Variants in AKR1B1 observed in about 807,000 individuals in gnomAD.
The protein encoded by AKR1B1 is aldo-keto reductase family 1 member B1.
In AKR1B1, 22 loss-of-function variants were observed where a neutral mutation model predicts 40.4. The ratio of observed to expected loss-of-function variants is 0.54; its 90% confidence interval spans 0.39 to 0.78. The LOEUF (loss-of-function observed/expected upper bound fraction) is 0.78. Among genes scored for constraint, AKR1B1 ranks in the 30% least tolerant of loss-of-function variants. The probability of loss-of-function intolerance (pLI) is 0.00; values close to 1 mark genes in which losing one functional copy is unlikely to be tolerated. For synonymous variants in AKR1B1, 157 were observed against 149.9 expected (o/e 1.05, Z -0.35); for missense variants, 357 against 396.7 (o/e 0.90, Z 0.85).
intron 8 of AKR1B1, 77 bp from the exon 9 acceptor site, chr7:134,445,397 T>C: frequency 8.2e-7 from 1 of 1,221,970 alleles, no homozygotes; most frequent in South Asian, 1.3e-5. Context: ...GACCCAGATG[T>C]CTTCCATGGC....
At chr7:134,457,375 T>C (rs866146560) in intron 1 of AKR1B1, among the ~76,000 whole-genome samples, 14 of 152,186 alleles carry the variant, frequency 9.2e-5, no homozygotes, top group African/African-American at 3.4e-4. Context: ...CAAGAAAGCA[T>C]CCTTCTGCAT....
At chr7:134,451,921 G>A in intron 1 of AKR1B1, 168 bp from the exon 2 acceptor site, 3 of 728,988 alleles carry the variant, frequency 4.1e-6, no homozygotes, top group Non-Finnish European at 2.4e-6. Context: ...TCAGACGCGG[G>A]GGATGGAAGT....
intron 4 of AKR1B1, chr7:134,449,387 C>T (rs1806212092): frequency 1.2e-5 from 7 of 565,504 alleles, no homozygotes; most frequent in Admixed American, 3.0e-5. Context: ...GAGATCAAGA[C>T]CATCCTGGCT....
In AKR1B1 at chr7:134,459,069, T is replaced by G; in HGVS notation, c.-7A>C. The G allele has an allele frequency of 1.9e-6, 3 of 1,601,256 alleles. No individual in the cohort carries two copies. The highest frequency in any genetic ancestry group is 2.6e-6 in the Non-Finnish European group (3 of 1,174,860). Reference sequence around the variant, plus strand: ...GCAGGAGACGGCTTGCCATGGCTGCTGCGCTCCCCAGACCCCCGCCCAGTA... The same window carrying G: ...GCAGGAGACGGCTTGCCATGGCTGCGGCGCTCCCCAGACCCCCGCCCAGTA... On this transcript the variant is annotated 5_prime_UTR_variant, in exon 1 of 10. Coordinates refer to ENST00000285930, the MANE Select transcript of AKR1B1 (RefSeq NM_001628.4).
intron 7 of AKR1B1, 50 bp from the exon 8 acceptor site, chr7:134,447,431 C>T (rs1322925915): frequency 1.3e-6 from 2 of 1,484,496 alleles, no homozygotes; most frequent in African/African-American, 2.8e-5. Context: ...GGCACTCGCA[C>T]CCATCATCTC....
intron 1 of AKR1B1, among the ~76,000 whole-genome samples, chr7:134,455,055 C>T (rs1345933723): frequency 6.6e-6 from 1 of 152,166 alleles, no homozygotes; most frequent in Non-Finnish European, 1.5e-5. Flanking sequence ...GCCCACAGCG[C>T]CTCAACCCTC....
At chr7:134,445,378 A>G in intron 8 of AKR1B1, 58 bp from the exon 9 acceptor site, 2 of 1,381,600 alleles carry the variant, frequency 1.4e-6, no homozygotes, top group Non-Finnish European at 1.0e-6. Context: ...AAGACAAAAT[A>G]CTGTGCAGGA....
In AKR1B1 at chr7:134,447,171, C is replaced by T; in HGVS notation, c.825+127G>A. Reference sequence around the variant, plus strand: ...AGTCTCAGTCTTGGCTTGCTCGCCACAGCTCCCTGGCCTCAGAAGAGAGGA... The same window carrying T: ...AGTCTCAGTCTTGGCTTGCTCGCCATAGCTCCCTGGCCTCAGAAGAGAGGA... On this transcript the variant is annotated intron_variant, in intron 8 of 9. Transcript: ENST00000285930. The T allele has an allele frequency of 6.6e-6, 6 of 905,660 alleles. No individual in the cohort carries two copies. The South Asian group carries it at 7.1e-5, about 11-fold the overall frequency. 56.1% of individuals were successfully genotyped at this position (905,660 alleles called of 1,614,324 possible).
chr7:134,444,571 A>G (rs4732027), intron 9 of AKR1B1, among the ~76,000 whole-genome samples: 99,166 of 152,216 alleles, frequency 0.65, 33,333 homozygotes, highest in East Asian at 0.92. Context: ...AGAGAAACAG[A>G]GTCTCAGTCT....
rs1181863874 is a variant in AKR1B1 at position 134,448,394 on chromosome 7, T to C, written c.652A>G (p.Arg218Gly). The change falls in exon 6 of 10, where the codon AGG becomes GGG. Residue 218 changes from arginine to glycine, a missense_variant. Arg to Gly is a moderately radical substitution (Grantham distance 125, BLOSUM62 -2). Coordinates refer to ENST00000285930, the MANE Select transcript of AKR1B1 (RefSeq NM_001628.4). ...TAYSPLGSPD[R>G]PWAKPEDPSL... Reference sequence around the variant, plus strand: ...AGCCTGTGGGAAGCTCACCAGGGCCTGTCAGGAGAGCCGAGGGGGCTGTAG... The same window carrying C: ...AGCCTGTGGGAAGCTCACCAGGGCCCGTCAGGAGAGCCGAGGGGGCTGTAG... The C allele has an allele frequency of 3.1e-6, 5 of 1,612,946 alleles. No individual in the cohort carries two copies. The highest frequency in any genetic ancestry group is 2.2e-5 in the South Asian group (2 of 91,048).
At position 134,447,372 on chromosome 7, in the gene AKR1B1, G is replaced by A. The variant is rs752815623; in HGVS notation, c.751C>T (p.Arg251Trp). The change falls in exon 8 of 10, where the codon CGG becomes TGG. Residue 251 changes from arginine (R) to tryptophan (W), a missense_variant. Physicochemically the swap from Arg to Trp is moderately radical, Grantham distance 101. Coordinates refer to ENST00000285930, the MANE Select transcript of AKR1B1 (RefSeq NM_001628.4). ...HNKTTAQVLI[R>W]FPMQRNLVVI... ...ACCAAGTTCCTCTGCATGGGGAACC[G>A]GATCAGGACCTGTGAGCCCAAGGAG... 5.0e-6 allele frequency: 8 copies of A among 1,613,890 alleles called. No homozygotes were observed. Among genetic ancestry groups the A allele is most frequent in the South Asian group, 2.2e-5 (2 of 91,080 alleles).
At chr7:134,454,689 T>G (rs1470804255) in intron 1 of AKR1B1, among the ~76,000 whole-genome samples, 1 of 152,180 alleles carries the variant, frequency 6.6e-6, no homozygotes, top group East Asian at 1.9e-4. Flanking sequence ...CAGGTGTTAC[T>G]ACTGAAATCA....
At chr7:134,448,314 G>T in intron 6 of AKR1B1, 73 bp downstream of exon 6, 1 of 1,353,848 alleles carries the variant, frequency 7.4e-7, no homozygotes, top group Non-Finnish European at 1.1e-6. Context: ...CTTCCTTGAG[G>T]CTGAATTGTT....
chr7:134,456,859 T>C (rs1806486721), intron 1 of AKR1B1, among the ~76,000 whole-genome samples: 1 of 152,242 alleles, frequency 6.6e-6, no homozygotes, highest in African/African-American at 2.4e-5. Flanking sequence ...TGATGTTATC[T>C]TAAACAAATA....
intron 1 of AKR1B1, among the ~76,000 whole-genome samples, chr7:134,455,829 C>T (rs1806453076): frequency 6.6e-6 from 1 of 152,162 alleles, no homozygotes; most frequent in South Asian, 2.1e-4. Context: ...GTGATCCACC[C>T]GCCTTGGCCT....
At chr7:134,443,542 G>A (rs997283461) in intron 9 of AKR1B1, among the ~76,000 whole-genome samples, 2 of 151,992 alleles carry the variant, frequency 1.3e-5, no homozygotes, top group Non-Finnish European at 2.9e-5. Context: ...CCCAATCAAC[G>A]GTCGGCGATT....
chr7:134,447,729 CATGA>C lies in AKR1B1; in HGVS notation c.741+247_741+250del, dbSNP rs1385725228. On this transcript the variant is annotated intron_variant, in intron 7 of 9. Transcript: ENST00000285930. Reference sequence around the variant, plus strand: ...TTACATTTGTACAGATGAGGTTCCACATGAATGAACAAGCGCTGGCCCTCGTGGC... The same window carrying C: ...TTACATTTGTACAGATGAGGTTCCACATGAACAAGCGCTGGCCCTCGTGGC... 1.3e-5 allele frequency: 8 copies of C among 622,140 alleles called. 1 individual carries two copies. Among genetic ancestry groups the C allele is most frequent in the African/African-American group, 9.2e-5 (5 of 54,518 alleles). The allele number at this position is 622,140 out of a possible 1,614,324, so 38.5% of individuals were successfully genotyped here. A position where few individuals can be genotyped will look rare whatever the true frequency, so the allele number is the denominator to read the frequency against.
chr7:134,452,644 T>G (rs536364808), intron 1 of AKR1B1, among the ~76,000 whole-genome samples: 1 of 152,316 alleles, frequency 6.6e-6, no homozygotes, highest in South Asian at 2.1e-4. Flanking sequence ...TTCACTATCC[T>G]GCTATGATCA....
rs759072459 is a variant in AKR1B1, at chr7:134,448,988, G to A, written c.552+9C>T. The A allele has an allele frequency of 6.2e-7, 1 of 1,614,022 alleles. No homozygotes were observed. Among genetic ancestry groups the A allele is most frequent in the East Asian group, 2.2e-5 (1 of 44,868 alleles). On this transcript the variant is annotated intron_variant, in intron 5 of 9. Transcript: ENST00000285930. ...CGTTGCAATGCCAGTGTCGTTGGGG[G>A]ATGTTTACCTGGTTAACTGCAGGCT...
Sources: gnomAD v4.1 joint callset for allele counts (sites outside exome capture counted in the v4.1 genomes callset) on GRCh38, gnomAD v4.1.1 for gene constraint, MANE v1.5 for transcripts, NCBI Gene and HGNC (gene_info 2026-07-23, HGNC 2026-07-21) for gene names.